The following TM2D1 variants were observed in gnomAD, a reference collection of about 807,000 sequenced individuals.
TM2D1 encodes TM2 domain-containing protein 1.
A neutral mutation model predicts 28.4 loss-of-function variants in TM2D1; 15 were observed. The observed-to-expected ratio is 0.53, with a 90% CI of 0.35 to 0.81. The LOEUF is 0.81. Ranked by LOEUF, TM2D1 falls within the 40% of genes least tolerant of loss-of-function variation. The probability of loss-of-function intolerance (pLI) is 0.01; values close to 1 mark genes in which losing one functional copy is unlikely to be tolerated. For synonymous variants in TM2D1, 93 were observed against 96.2 expected (o/e 0.97, Z 0.20); for missense variants, 236 against 254.9 (o/e 0.93, Z 0.50).
chr1:61,723,934 T>C (rs1002207499), intron 1 of TM2D1, 148 bp from the exon 2 acceptor site: 10 of 461,198 alleles, frequency 2.2e-5, no homozygotes, highest in Non-Finnish European at 3.5e-5. Context: ...TGTACAAATA[T>C]ACTTTTAGTA....
In TM2D1 at chr1:61,694,722, A is replaced by G. The variant is rs939838134; in HGVS notation, c.488T>C (p.Ile163Thr). Residue 163 changes from isoleucine to threonine, a missense_variant, in exon 5 of 7, where the codon ATT (isoleucine) becomes ACT (threonine). This residue lies in a region of TM2D1 where 64 missense variants were observed against 73.1 expected (regional missense o/e 0.88). Coordinates refer to ENST00000606498, the MANE Select transcript of TM2D1 (RefSeq NM_032027.3). ...CTGCATTGAAATAAGAATGAAATCA[A>G]TTAGGCTCCCAATTCCACAAAACCC... ...TVGFCGIGSLIDFILISMQIV... is the reference protein window; with the variant it reads ...TVGFCGIGSLTDFILISMQIV... The G allele has an allele frequency of 6.2e-7, 1 of 1,607,570 alleles. No individual in the cohort carries two copies. The highest frequency in any genetic ancestry group is 8.5e-7 in the Non-Finnish European group (1 of 1,177,050).
At chr1:61,685,417 T>C (rs912018068) in intron 5 of TM2D1, among the ~76,000 whole-genome samples, 13 of 152,240 alleles carry the variant, frequency 8.5e-5, no homozygotes, top group Non-Finnish European at 1.2e-4. Flanking sequence ...GTGGAGAGTA[T>C]GGACTTTGTT....
At chr1:61,682,715 C>T (rs1342845350) in intron 6 of TM2D1, among the ~76,000 whole-genome samples, 3 of 151,840 alleles carry the variant, frequency 2.0e-5, no homozygotes, top group Non-Finnish European at 2.9e-5. Flanking sequence ...ACTAAAATGG[C>T]GAAACCCCAT....
chr1:61,724,837 G>C, intron 1 of TM2D1, 120 bp downstream of exon 1: 1 of 1,119,108 alleles, frequency 8.9e-7, no homozygotes, highest in Non-Finnish European at 1.2e-6. Flanking sequence ...GTCATTAGAA[G>C]CCACAGATCA....
At chr1:61,715,645 CAAAAAAAAAAAAAAAAAA>C (rs759796747) in intron 2 of TM2D1, among the ~76,000 whole-genome samples, 3 of 16,424 alleles carry the variant, frequency 1.8e-4, no homozygotes, top group Non-Finnish European at 3.8e-4. Context: ...AAGACTGTCT[CAAAAAAAAAAAAAAAAAA>C]AAAAAAAAAA....
chr1:61,722,010 G>A (rs7544707), intron 2 of TM2D1, among the ~76,000 whole-genome samples: 3,310 of 147,370 alleles, frequency 0.022, 124 homozygotes, highest in African/African-American at 0.078. Flanking sequence ...GTTCATGCCT[G>A]TAAACCCAGC....
At chr1:61,698,834 C>T (rs904699713) in intron 4 of TM2D1, 2 of 151,974 alleles carry the variant, frequency 1.3e-5, no homozygotes, top group Non-Finnish European at 2.9e-5. Flanking sequence ...ATCCCCCAAC[C>T]TCAGCCTGTT....
chr1:61,704,421 TTTTTG>T (rs561495866), intron 3 of TM2D1, among the ~76,000 whole-genome samples: 130 of 151,912 alleles, frequency 8.6e-4, no homozygotes, highest in African/African-American at 2.5e-3. Flanking sequence ...TTTTTTTGGT[TTTTTG>T]TTTTGTTTTG....
intron 4 of TM2D1, among the ~76,000 whole-genome samples, 196 bp from the exon 5 acceptor site, chr1:61,694,966 C>CA (rs1421703509): frequency 1.3e-5 from 2 of 151,426 alleles, no homozygotes; most frequent in African/African-American, 4.8e-5. Context: ...ACAGAAATGC[C>CA]AAAAAATAAT....
intron 2 of TM2D1, among the ~76,000 whole-genome samples, chr1:61,720,909 T>G (rs1268650074): frequency 6.6e-6 from 1 of 152,046 alleles, no homozygotes; most frequent in Non-Finnish European, 1.5e-5. Context: ...CGTTCATCCC[T>G]ACCCAAACAT....
intron 3 of TM2D1, among the ~76,000 whole-genome samples, chr1:61,705,009 A>G (rs1644430741): frequency 6.6e-6 from 1 of 152,238 alleles, no homozygotes; most frequent in Non-Finnish European, 1.5e-5. Flanking sequence ...CTGCTGGTGA[A>G]TATCAGCATG....
At chr1:61,712,491 ACCT>A (rs1210570364) in intron 2 of TM2D1, among the ~76,000 whole-genome samples, 1 of 151,342 alleles carries the variant, frequency 6.6e-6, no homozygotes, top group African/African-American at 2.4e-5. Flanking sequence ...GCTCACTGCA[ACCT>A]CCGTCTCCTG....
chr1:61,718,036 C>T (rs113978572), intron 2 of TM2D1, among the ~76,000 whole-genome samples: 143 of 152,088 alleles, frequency 9.4e-4, no homozygotes, highest in African/African-American at 3.1e-3. Context: ...CAACAAAAAA[C>T]GCCAGGTGTG....
At chr1:61,687,614 C>A (rs1477167093) in intron 5 of TM2D1, among the ~76,000 whole-genome samples, 1 of 152,052 alleles carries the variant, frequency 6.6e-6, no homozygotes, top group African/African-American at 2.4e-5. Context: ...ATTGATATGA[C>A]CCCTCATTTA....
chr1:61,711,321 C>T (rs1170523935), intron 2 of TM2D1, among the ~76,000 whole-genome samples: 2 of 146,944 alleles, frequency 1.4e-5, no homozygotes, highest in African/African-American at 2.5e-5. Flanking sequence ...AAGAGTGAAA[C>T]TCCACCTCAA....
intron 3 of TM2D1, 75 bp from the exon 4 acceptor site, chr1:61,701,100 T>A: frequency 9.1e-7 from 1 of 1,098,320 alleles, no homozygotes; most frequent in Non-Finnish European, 1.4e-6. Context: ...AACTACTACT[T>A]GTTAATTGGT....
intron 5 of TM2D1, among the ~76,000 whole-genome samples, chr1:61,688,271 G>T (rs1011010555): frequency 1.3e-5 from 2 of 152,126 alleles, no homozygotes; most frequent in African/African-American, 4.8e-5. Flanking sequence ...TACCCACAGG[G>T]TAAGTGAACT....
chr1:61,688,709 C>T (rs951746987), intron 5 of TM2D1, among the ~76,000 whole-genome samples: 5 of 149,106 alleles, frequency 3.4e-5, no homozygotes, highest in South Asian at 2.1e-4. Context: ...GGCAATGGAG[C>T]GAGACTCTGT....
intron 2 of TM2D1, among the ~76,000 whole-genome samples, chr1:61,718,027 A>ATGTCT (rs1644535542): frequency 6.6e-6 from 1 of 152,080 alleles, no homozygotes; most frequent in Admixed American, 6.6e-5. Context: ...CAAAAACAAC[A>ATGTCT]ACAAAAAACG....
Sources: gnomAD v4.1 joint callset for allele counts (sites outside exome capture counted in the v4.1 genomes callset) on GRCh38, gnomAD v4.1.1 for gene constraint, gnomAD v4.1.1 regional missense constraint, MANE v1.5 for transcripts, NCBI Gene and HGNC (gene_info 2026-07-23, HGNC 2026-07-21) for gene names.